DUSP16: variants seen among roughly 807,000 people sequenced by gnomAD.
DUSP16 encodes dual specificity phosphatase 16.
DUSP16 carries 21 observed loss-of-function variants against 58.3 expected under a neutral mutation model. The observed-to-expected ratio is 0.36, with a 90% CI of 0.26 to 0.52. DUSP16 has a LOEUF of 0.52. Among genes scored for constraint, DUSP16 ranks in the 20% least tolerant of loss-of-function variants. DUSP16 has a pLI of 0.94. For synonymous variants in DUSP16, 320 were observed against 323.8 expected, an observed-to-expected ratio of 0.99 and a Z score of 0.12; for missense variants, 726 against 819.0, an observed-to-expected ratio of 0.89 and a Z score of 1.39.
chr12:12,541,116 G>A (rs73063453), intron 1 of DUSP16, among the ~76,000 whole-genome samples: 19,847 of 151,532 alleles, frequency 0.13, 1,386 homozygotes, highest in Middle Eastern at 0.19. Context: ...ACACCATCAC[G>A]CCTGGCTAAT....
intron 5 of DUSP16, among the ~76,000 whole-genome samples, chr12:12,483,858 AG>A (rs1462888251): frequency 6.6e-6 from 1 of 152,170 alleles, no homozygotes; most frequent in Non-Finnish European, 1.5e-5. Flanking sequence ...ACAACAAAAA[AG>A]AAAAAATCAC....
chr12:12,516,704 T>G (rs1944160166), intron 3 of DUSP16, among the ~76,000 whole-genome samples: 1 of 152,262 alleles, frequency 6.6e-6, no homozygotes, highest in Admixed American at 6.5e-5. Context: ...CCAAATCACC[T>G]ATTTTGAAAC....
At chr12:12,523,290 A>C (rs1230279365) in intron 1 of DUSP16, among the ~76,000 whole-genome samples, 1 of 152,244 alleles carries the variant, frequency 6.6e-6, no homozygotes, top group Non-Finnish European at 1.5e-5. Flanking sequence ...GTAAATAAAA[A>C]AGCAACTATG....
At chr12:12,491,198 G>A (rs1216277358) in intron 4 of DUSP16, 1 of 150,214 alleles carries the variant, frequency 6.7e-6, no homozygotes, top group African/African-American at 2.4e-5. Context: ...AATACAAATG[G>A]CTGGGAGGGG....
rs898096432 is a variant in DUSP16 at position 12,475,556 on chromosome 12, C to T, written c.*1277G>A. ...CAATGGTCTTCTCAGCTTTCTCAAC[C>T]GTTTTATTCTGAATATTCCTTCCTC... On this transcript the variant is annotated 3_prime_UTR_variant, in exon 7 of 7. Transcript: ENST00000298573. 1 of 152,202 alleles carries T rather than the reference C, an allele frequency of 6.6e-6. No homozygotes were observed. The highest frequency in any genetic ancestry group is 1.5e-5 in the Non-Finnish European group (1 of 68,050). 9.4% of individuals were successfully genotyped at this position (152,202 alleles called of 1,614,324 possible). A position where few individuals can be genotyped will look rare whatever the true frequency, so the allele number is the denominator to read the frequency against.
At chr12:12,533,207 T>G (rs537977673) in intron 1 of DUSP16, among the ~76,000 whole-genome samples, 164 of 152,350 alleles carry the variant, frequency 1.1e-3, no homozygotes, top group African/African-American at 3.7e-3. Flanking sequence ...ATAGCTAATG[T>G]ATTTTTTAAT....
intron 3 of DUSP16, among the ~76,000 whole-genome samples, chr12:12,505,276 C>T (rs971306958): frequency 3.3e-5 from 5 of 152,238 alleles, no homozygotes; most frequent in Non-Finnish European, 2.9e-5. Context: ...TGATGATATT[C>T]ATGGGGTCCT....
At position 12,548,654 on chromosome 12, in the gene DUSP16, G is replaced by A. The variant is rs1268408873; in HGVS notation, c.-366+13463C>T. 3.0e-3 allele frequency among the ~76,000 whole-genome samples: 408 copies of A among 137,698 alleles called. 1 individual carries two copies. Among genetic ancestry groups the A allele is most frequent in the East Asian group, 8.6e-3 (38 of 4,418 alleles). The allele number at this position is 137,698 out of a possible 152,430, so 90.3% of individuals were successfully genotyped here. ...TCAAAAAAAAAAAAAAAAAGAAAAA[G>A]AAAAAGAAAAAGAAAAAAAAGAAAT... is the stretch of plus-strand genomic sequence containing the variant. On this transcript the variant is annotated intron_variant, in intron 1 of 6. Coordinates refer to ENST00000298573, the MANE Select transcript of DUSP16 (RefSeq NM_030640.3).
Position 12,537,562 on chromosome 12 carries a change from T to A in DUSP16, c.-365-16099A>T, listed in dbSNP as rs569426664. ...CTTAATATAAACCAGACCATAGAACTGTCTATTAAGAAACTCAATGGCTAA... is the reference window on the plus strand; with the variant it reads ...CTTAATATAAACCAGACCATAGAACAGTCTATTAAGAAACTCAATGGCTAA... On this transcript the variant is annotated intron_variant, in intron 1 of 6. Transcript: ENST00000298573. Among the ~76,000 whole-genome samples the A allele has an allele frequency of 5.3e-5, 8 of 152,342 alleles. No homozygotes were observed. The South Asian group carries it at 1.7e-3, about 32-fold the overall frequency.
At position 12,521,215 on chromosome 12, in the gene DUSP16, G is replaced by C; in HGVS notation, c.-117C>G. On this transcript the variant is annotated 5_prime_UTR_variant, in exon 2 of 7. Coordinates refer to ENST00000298573, the MANE Select transcript of DUSP16 (RefSeq NM_030640.3). Reference sequence around the variant, plus strand: ...ACTAAAAGTGTATGAGGTCAGGCTGGTGGTGACTGGCAAAAGGAGAGTTAA... The same window carrying C: ...ACTAAAAGTGTATGAGGTCAGGCTGCTGGTGACTGGCAAAAGGAGAGTTAA... The C allele has an allele frequency of 6.7e-7, 1 of 1,484,994 alleles. No individual in the cohort carries two copies. The highest frequency in any genetic ancestry group is 8.9e-7 in the Non-Finnish European group (1 of 1,119,542). The allele number at this position is 1,484,994 out of a possible 1,614,324, so 92.0% of individuals were successfully genotyped here. A position where few individuals can be genotyped will look rare whatever the true frequency, so the allele number is the denominator to read the frequency against.
chr12:12,511,158 G>T (rs1217430899), intron 3 of DUSP16, among the ~76,000 whole-genome samples: 1 of 152,204 alleles, frequency 6.6e-6, no homozygotes, highest in Non-Finnish European at 1.5e-5. Flanking sequence ...TTGGAAGGTG[G>T]CAAGACAGAG....
chr12:12,487,142 T>TG lies in DUSP16; in HGVS notation c.576dup (p.Asn193GlnfsTer7). ...ATAAAGTCAGGCTTTGGACAGGTAT[T>TG]GCTGGCATTTAACACATAACCAATC... On this transcript the variant is annotated frameshift_variant, in exon 5 of 7. Coordinates refer to ENST00000298573, the MANE Select transcript of DUSP16 (RefSeq NM_030640.3). LOFTEE classifies it high-confidence loss of function. 1 of 1,614,168 alleles carries TG rather than the reference T, an allele frequency of 6.2e-7. No individual in the cohort carries two copies. Among genetic ancestry groups the TG allele is most frequent in the Non-Finnish European group, 8.5e-7 (1 of 1,180,006 alleles).
intron 3 of DUSP16, among the ~76,000 whole-genome samples, chr12:12,504,807 G>A (rs1943967302): frequency 6.6e-6 from 1 of 151,868 alleles, no homozygotes; most frequent in Non-Finnish European, 1.5e-5. Flanking sequence ...AGCCCAGGAG[G>A]TTGATGATGC....
At chr12:12,532,880 G>A (rs1381397981) in intron 1 of DUSP16, among the ~76,000 whole-genome samples, 4 of 151,768 alleles carry the variant, frequency 2.6e-5, no homozygotes, top group Admixed American at 6.6e-5. Context: ...CCTGGGAGGC[G>A]GAGGTTGCAG....
chr12:12,541,539 G>A (rs1442740542), intron 1 of DUSP16, among the ~76,000 whole-genome samples: 1 of 152,162 alleles, frequency 6.6e-6, no homozygotes, highest in Non-Finnish European at 1.5e-5. Flanking sequence ...AAATTCTCAG[G>A]AGTTGGTCAA....
At chr12:12,485,786 C>CTTTTTTTT (rs749939375) in intron 5 of DUSP16, among the ~76,000 whole-genome samples, 1 of 107,698 alleles carries the variant, frequency 9.3e-6, no homozygotes, top group Non-Finnish European at 1.8e-5. Context: ...GCCAATTCCA[C>CTTTTTTTT]TTTTTTTTTT....
chr12:12,480,781 C>T (rs1377119014), intron 5 of DUSP16, among the ~76,000 whole-genome samples: 1 of 152,146 alleles, frequency 6.6e-6, no homozygotes, highest in Non-Finnish European at 1.5e-5. Flanking sequence ...CTGGAGTGCA[C>T]GATGTCGGCT....
At chr12:12,493,897 T>C (rs1943794563) in intron 4 of DUSP16, among the ~76,000 whole-genome samples, 1 of 152,238 alleles carries the variant, frequency 6.6e-6, no homozygotes, top group Non-Finnish European at 1.5e-5. Context: ...CTATTTATTA[T>C]GCTTCCTATC....
intron 4 of DUSP16, among the ~76,000 whole-genome samples, chr12:12,500,231 C>T (rs1201184128): frequency 6.6e-6 from 1 of 152,096 alleles, no homozygotes; most frequent in African/African-American, 2.4e-5. Flanking sequence ...TCAATTAATA[C>T]CCTAAGAATA....
Sources: gnomAD v4.1 joint callset for allele counts (sites outside exome capture counted in the v4.1 genomes callset) on GRCh38, gnomAD v4.1.1 for gene constraint, MANE v1.5 for transcripts, NCBI Gene and HGNC (gene_info 2026-07-23, HGNC 2026-07-21) for gene names.